Variants in ZNF451 observed in about 807,000 individuals in gnomAD.
ZNF451 encodes the protein E3 SUMO-protein ligase ZNF451.
ZNF451 carries 80 observed loss-of-function variants against 107.1 expected under a neutral mutation model. The ratio of observed to expected loss-of-function variants is 0.75; its 90% CI spans 0.62 to 0.90. The LOEUF (loss-of-function observed/expected upper bound fraction) is 0.90, where lower values mean the gene tolerates loss of function less well. ZNF451 is among the 40% of genes least tolerant of loss of function. ZNF451 has a pLI of 0.00. For missense variants in ZNF451, 1,107 were observed against 1,236.2 expected, an observed-to-expected ratio of 0.90 and a Z score of 1.57; for synonymous variants, 362 against 406.5, an observed-to-expected ratio of 0.89 and a Z score of 1.32.
chr6:57,090,323 G>A, intron 1 of ZNF451, 49 bp downstream of exon 1: 2 of 1,604,094 alleles, frequency 1.2e-6, no homozygotes, highest in Non-Finnish European at 1.7e-6. Flanking sequence ...GAACCGCGAA[G>A]GGTTTGTGTT....
chr6:57,145,273 T>G (rs1832007533), intron 9 of ZNF451, among the ~76,000 whole-genome samples: 1 of 152,150 alleles, frequency 6.6e-6, no homozygotes, highest in Admixed American at 6.5e-5. Context: ...GGCATGACAT[T>G]TGTCTGACAT....
rs776825604 is a variant in ZNF451 at position 57,141,949 on chromosome 6, TAAC to T, written c.861_863del (p.Asn287del). On this transcript the variant is annotated inframe_deletion and splice_region_variant, in exon 9 of 15. Transcript: ENST00000370706. Reference sequence around the variant, plus strand: ...ATTATAGTTTATTTTGTCTTTCAGATAACAAAGGAATTGCACATCCAATATCTT... The same window carrying T: ...ATTATAGTTTATTTTGTCTTTCAGATAAAGGAATTGCACATCCAATATCTT... The T allele has an allele frequency of 1.2e-6, 2 of 1,612,798 alleles. No homozygotes were observed. Among genetic ancestry groups the T allele is most frequent in the South Asian group, 2.2e-5 (2 of 91,010 alleles).
At chr6:57,167,390 A>G (rs1763946695) in intron 14 of ZNF451, among the ~76,000 whole-genome samples, 1 of 152,142 alleles carries the variant, frequency 6.6e-6, no homozygotes, top group South Asian at 2.1e-4. Context: ...CTTTATAATA[A>G]GTGTTCATAT....
At chr6:57,144,786 C>A (rs765754094) in intron 9 of ZNF451, among the ~76,000 whole-genome samples, 1 of 151,776 alleles carries the variant, frequency 6.6e-6, no homozygotes, top group Non-Finnish European at 1.5e-5. Context: ...AAAAATTAAC[C>A]GGGTGTGGTG....
intron 13 of ZNF451, chr6:57,159,207 A>C (rs1763560253): frequency 7.1e-6 from 7 of 985,324 alleles, no homozygotes; most frequent in Non-Finnish European, 8.4e-6. Context: ...GAGGCAAAAG[A>C]AACCTTTTAT....
rs907269721 is a variant in ZNF451, at chr6:57,169,736, C to T, written c.*1267C>T. ...TCTTGATATGTCACTTCTGTTCCTC[C>T]CTGCTTGCATTTTTTAAAAACTAGA... On this transcript the variant is annotated 3_prime_UTR_variant, in exon 15 of 15. Coordinates refer to ENST00000370706, the MANE Select transcript of ZNF451 (RefSeq NM_001031623.3). 9 of 152,130 alleles carry T rather than the reference C, an allele frequency of 5.9e-5. No individual in the cohort carries two copies. Among genetic ancestry groups the T allele is most frequent in the Admixed American group, 2.0e-4 (3 of 15,272 alleles). The allele number at this position is 152,130 out of a possible 1,614,324, so 9.4% of individuals were successfully genotyped here.
chr6:57,106,057 C>G, intron 3 of ZNF451: 1 of 985,090 alleles, frequency 1.0e-6, no homozygotes, highest in South Asian at 4.7e-5. Context: ...TGAGTGCTAC[C>G]TAAGTGACCT....
At position 57,103,630 on chromosome 6, in the gene ZNF451, C is replaced by T. The variant is rs1054782046; in HGVS notation, c.186+4489C>T. 7.1e-6 allele frequency: 7 copies of T among 985,226 alleles called. No homozygotes were observed. In the African/African-American group the frequency reaches 1.2e-4, roughly 17 times the overall value. The allele number at this position is 985,226 out of a possible 1,614,324, so 61.0% of individuals were successfully genotyped here. ...TGAATACATCACCTAGTATTATTTG[C>T]TTGGCAGCCAAAAACAGTTGTTTTT... On this transcript the variant is annotated intron_variant, in intron 3 of 14. Coordinates refer to ENST00000370706, the MANE Select transcript of ZNF451 (RefSeq NM_001031623.3).
chr6:57,098,127 G>A (rs1430599294), intron 2 of ZNF451, among the ~76,000 whole-genome samples: 1 of 150,588 alleles, frequency 6.6e-6, no homozygotes, highest in Non-Finnish European at 1.5e-5. Flanking sequence ...GCACCACCAT[G>A]CCTGGCTAAT....
chr6:57,137,340 C>G (rs909885262), intron 7 of ZNF451, among the ~76,000 whole-genome samples: 2 of 151,926 alleles, frequency 1.3e-5, no homozygotes, highest in African/African-American at 4.8e-5. Flanking sequence ...TTCCTTGCTC[C>G]CCTCCCCCAT....
intron 14 of ZNF451, among the ~76,000 whole-genome samples, chr6:57,164,624 T>A (rs767177641): frequency 6.6e-6 from 1 of 152,200 alleles, no homozygotes; most frequent in Non-Finnish European, 1.5e-5. Flanking sequence ...CTGCTCTTAA[T>A]CTTAACAACT....
intron 13 of ZNF451, chr6:57,159,366 C>CT: frequency 1.0e-6 from 1 of 985,324 alleles, no homozygotes; most frequent in African/African-American, 1.7e-5. Context: ...CTGATCTTGA[C>CT]TTTAAATTGT....
Position 57,154,021 on chromosome 6 carries a change from T to A in ZNF451, c.3044T>A (p.Leu1015Ter). The A allele has an allele frequency of 6.2e-7, 1 of 1,614,176 alleles. No individual in the cohort carries two copies. ...HLEGDMMCALLNSISDTTKEC... is the reference protein window; with the variant it reads ...HLEGDMMCAL The stretch of plus-strand genomic sequence containing the variant: ...GAGGGAGATATGATGTGTGCCTTGT[T>A]AAATAGCATATCTGATACCACCAAA... The change falls in exon 13 of 15, where the codon TTA becomes TAA. Residue 1015 changes from leucine to a stop codon, truncating the protein, a stop_gained. Transcript: ENST00000370706. LOFTEE classifies it high-confidence loss of function.
At position 57,124,814 on chromosome 6, in the gene ZNF451, T is replaced by G. The variant is rs2127959894; in HGVS notation, c.267T>G (p.Val89=). The G allele has an allele frequency of 6.2e-7, 1 of 1,611,810 alleles. No homozygotes were observed. Among genetic ancestry groups the G allele is most frequent in the Non-Finnish European group, 8.5e-7 (1 of 1,178,452 alleles). The change falls in exon 4 of 15, where the codon GTT becomes GTG. Residue 89 remains valine (V), a synonymous_variant. Transcript: ENST00000370706. ...CTCTGGCTCGTCTAGCCCGCCATGT[T>G]GAAGTGGAGAAACAGCAGAAAGAAG... is the stretch of plus-strand genomic sequence containing the variant. ...ALTLARLARH[V]EVEKQQKEEK...
In ZNF451 at chr6:57,124,772, G is replaced by A. The variant is rs200709803; in HGVS notation, c.225G>A (p.Lys75=). Reference sequence around the variant, plus strand: ...GTAAAGACCATATTGATTATCAGAAGGATAAAGTTGCTTTAACTCTGGCTC... The same window carrying A: ...GTAAAGACCATATTGATTATCAGAAAGATAAAGTTGCTTTAACTCTGGCTC... ...IKRKDHIDYQ[K]DKVALTLARL... Residue 75 remains lysine (K), a synonymous_variant, in exon 4 of 15, where the codon AAG becomes AAA. Transcript: ENST00000370706. The A allele has an allele frequency of 4.4e-5, 71 of 1,600,286 alleles. No individual in the cohort carries two copies. Among genetic ancestry groups the A allele is most frequent in the Non-Finnish European group, 5.6e-5 (65 of 1,168,100 alleles).
Position 57,124,800 on chromosome 6 carries a change from C to G in ZNF451, c.253C>G (p.Leu85Val). The G allele has an allele frequency of 6.2e-7, 1 of 1,611,522 alleles. No individual in the cohort carries two copies. The highest frequency in any genetic ancestry group is 8.5e-7 in the Non-Finnish European group (1 of 1,178,186). ...KDKVALTLAR[L>V]ARHVEVEKQQ... Reference sequence around the variant, plus strand: ...TAAAGTTGCTTTAACTCTGGCTCGTCTAGCCCGCCATGTTGAAGTGGAGAA... The same window carrying G: ...TAAAGTTGCTTTAACTCTGGCTCGTGTAGCCCGCCATGTTGAAGTGGAGAA... Residue 85 changes from leucine to valine, a missense_variant, in exon 4 of 15, where the codon CTA becomes GTA. By Grantham distance (32) the Leu-to-Val change is conservative. Coordinates refer to ENST00000370706, the MANE Select transcript of ZNF451 (RefSeq NM_001031623.3).
chr6:57,121,104 G>A (rs1830616739), intron 3 of ZNF451, among the ~76,000 whole-genome samples: 1 of 152,090 alleles, frequency 6.6e-6, no homozygotes, highest in Non-Finnish European at 1.5e-5. Flanking sequence ...TTTGCGTGTG[G>A]ATGTCTACTT....
At chr6:57,102,049 T>C in intron 3 of ZNF451, 2 of 1,537,070 alleles carry the variant, frequency 1.3e-6, no homozygotes, top group Middle Eastern at 1.7e-4. Flanking sequence ...CCCCTATAGA[T>C]ATAGAAAGAA....
At chr6:57,161,816 T>C (rs920913492) in intron 14 of ZNF451, among the ~76,000 whole-genome samples, 1 of 152,162 alleles carries the variant, frequency 6.6e-6, no homozygotes, top group African/African-American at 2.4e-5. Context: ...TGCCCCAGCC[T>C]CCACAGTAGC....
Sources: allele counts gnomAD v4.1 joint callset (sites outside exome capture counted in the v4.1 genomes callset), GRCh38; gene constraint gnomAD v4.1.1; transcripts MANE v1.5; gene names NCBI Gene and HGNC (gene_info 2026-07-23, HGNC 2026-07-21).